The following OPHN1 variants were observed in gnomAD, a reference collection of about 807,000 sequenced individuals.
OPHN1 encodes oligophrenin-1.
OPHN1 carries 11 observed loss-of-function variants against 60.7 expected under a neutral mutation model. The ratio of observed to expected loss-of-function variants is 0.18; its 90% CI spans 0.11 to 0.30. The LOEUF (loss-of-function observed/expected upper bound fraction) is 0.30. Ranked by LOEUF, OPHN1 falls within the 10% of genes least tolerant of loss-of-function variation. The pLI is 1.00. For missense variants in OPHN1, 449 were observed against 611.0 expected, an observed-to-expected ratio of 0.73 and a Z score of 2.80; for synonymous variants, 226 against 222.6, an observed-to-expected ratio of 1.02 and a Z score of -0.14.
At chrX:68,049,989 G>A (rs772152107) in intron 23 of OPHN1, among the ~76,000 whole-genome samples, 3 of 112,217 alleles carry the variant, frequency 2.7e-5, no homozygotes, top group Admixed American at 9.4e-5. Context: ...ACGCTAGGCC[G>A]TAGTCAGGTA....
chrX:68,407,688 T>C (rs1275673159), intron 2 of OPHN1, among the ~76,000 whole-genome samples: 4 of 112,019 alleles, frequency 3.6e-5, no homozygotes, highest in African/African-American at 1.3e-4. Context: ...GCCATAAATT[T>C]GGCATAACCA....
At chrX:68,317,413 A>G (rs1258639161) in intron 2 of OPHN1, among the ~76,000 whole-genome samples, 5 of 95,496 alleles carry the variant, frequency 5.2e-5, no homozygotes, top group Admixed American at 1.2e-4. Context: ...GGAAGGAAGG[A>G]AGGAAGGAAG....
intron 15 of OPHN1, among the ~76,000 whole-genome samples, chrX:68,140,019 C>T (rs892977185): frequency 8.9e-6 from 1 of 112,403 alleles, no homozygotes; most frequent in African/African-American, 3.2e-5. Flanking sequence ...GGAAACTAAA[C>T]CCTAAGGCAA....
At chrX:68,114,636 G>T (rs917961333) in intron 16 of OPHN1, among the ~76,000 whole-genome samples, 1 of 110,037 alleles carries the variant, frequency 9.1e-6, no homozygotes, top group Admixed American at 9.8e-5. Flanking sequence ...ATGGTGGTGC[G>T]TGCCTGTAGT....
intron 15 of OPHN1, among the ~76,000 whole-genome samples, chrX:68,174,853 G>A (rs1490471880): frequency 1.8e-5 from 2 of 110,287 alleles, no homozygotes; most frequent in Admixed American, 1.9e-4. Flanking sequence ...GGAGGTCAAG[G>A]CAGGTGAATC....
intron 22 of OPHN1, among the ~76,000 whole-genome samples, chrX:68,053,279 A>C (rs2076859435): frequency 8.9e-6 from 1 of 112,742 alleles, no homozygotes; most frequent in South Asian, 3.7e-4. Flanking sequence ...ACAGTGAATG[A>C]ATCTGTTCAT....
chrX:68,194,063 G>A (rs1313636621), intron 13 of OPHN1, 111 bp from the exon 14 acceptor site: 2 of 649,071 alleles, frequency 3.1e-6, no homozygotes, highest in Non-Finnish European at 5.0e-6. Context: ...GTTTTTAGTT[G>A]CTCATTTCTA....
chrX:68,213,603 C>A (rs995229165), intron 7 of OPHN1, among the ~76,000 whole-genome samples: 5 of 100,941 alleles, frequency 5.0e-5, no homozygotes, highest in African/African-American at 1.5e-4. Flanking sequence ...AGAGAAATTC[C>A]GGAAGGGGGG....
At chrX:68,351,082 C>T (rs932491488) in intron 2 of OPHN1, among the ~76,000 whole-genome samples, 1 of 110,903 alleles carries the variant, frequency 9.0e-6, no homozygotes, top group African/African-American at 3.3e-5. Flanking sequence ...GCGAGCACCA[C>T]CACGCCCAGC....
In OPHN1 at chrX:68,334,955, G is replaced by A. The variant is rs1052782060; in HGVS notation, c.155-35859C>T. 3.7e-5 allele frequency among the ~76,000 whole-genome samples: 4 copies of A among 108,957 alleles called. No individual in the cohort carries two copies. The East Asian group carries it at 8.6e-4, about 24-fold the overall frequency. The allele number at this position is 108,957 out of a possible 115,157, so 94.6% of individuals were successfully genotyped here. On this transcript the variant is annotated intron_variant, in intron 2 of 24. Coordinates refer to ENST00000355520, the MANE Select transcript of OPHN1 (RefSeq NM_002547.3). Reference sequence around the variant, plus strand: ...TGCACCATTGCACTCCAGCTTGGGCGACAGAATAAGACCCTGTCTCAATTA... The same window carrying A: ...TGCACCATTGCACTCCAGCTTGGGCAACAGAATAAGACCCTGTCTCAATTA...
At chrX:68,191,205 G>C (rs1176039577) in intron 15 of OPHN1, among the ~76,000 whole-genome samples, 1 of 111,926 alleles carries the variant, frequency 8.9e-6, no homozygotes, top group Non-Finnish European at 1.9e-5. Context: ...GAGAAATGCA[G>C]GTAGATACCT....
intron 19 of OPHN1, among the ~76,000 whole-genome samples, chrX:68,075,231 G>A (rs934335792): frequency 2.7e-5 from 3 of 112,392 alleles, no homozygotes; most frequent in African/African-American, 3.2e-5. Context: ...GTATCCCTAC[G>A]TTGAGAAGAC....
chrX:68,307,596 C>A (rs1181444529), intron 2 of OPHN1, among the ~76,000 whole-genome samples: 2 of 111,052 alleles, frequency 1.8e-5, no homozygotes, highest in Non-Finnish European at 3.8e-5. Flanking sequence ...GCCAAAGGTA[C>A]TGATCAACCC....
chrX:68,125,930 A>AATATATAT (rs59058075), intron 15 of OPHN1, among the ~76,000 whole-genome samples: 997 of 22,207 alleles, frequency 0.045, 80 homozygotes, highest in African/African-American at 0.098. Flanking sequence ...ACCACTGATC[A>AATATATAT]ATATATATAT....
chrX:68,388,715 G>A lies in OPHN1; in HGVS notation c.154+44152C>T, dbSNP rs750557206. Reference sequence around the variant, plus strand: ...TGCTTCAAAGTAATCCAGGCCCAAGGTGGAAGGAACTAGGTGAGGGGCATA... The same window carrying A: ...TGCTTCAAAGTAATCCAGGCCCAAGATGGAAGGAACTAGGTGAGGGGCATA... On this transcript the variant is annotated intron_variant, in intron 2 of 24. Transcript: ENST00000355520. 8.9e-4 allele frequency among the ~76,000 whole-genome samples: 99 copies of A among 110,972 alleles called. 3 individuals are homozygous for A. Among genetic ancestry groups the A allele is most frequent in the African/African-American group, 3.2e-3 (97 of 30,577 alleles).
chrX:68,143,005 C>A (rs1242612774), intron 15 of OPHN1, among the ~76,000 whole-genome samples: 3 of 111,380 alleles, frequency 2.7e-5, no homozygotes, highest in African/African-American at 9.8e-5. Flanking sequence ...TCCTATAGAA[C>A]AAGCTTTTCA....
chrX:68,249,233 C>T (rs1446115239), intron 5 of OPHN1, among the ~76,000 whole-genome samples: 1 of 111,371 alleles, frequency 9.0e-6, no homozygotes, highest in Non-Finnish European at 1.9e-5. Flanking sequence ...CTATGTACCC[C>T]AAAAAATTAA....
chrX:68,334,042 C>T (rs2078310099), intron 2 of OPHN1, among the ~76,000 whole-genome samples: 1 of 109,071 alleles, frequency 9.2e-6, no homozygotes, highest in Non-Finnish European at 1.9e-5. Context: ...GGACTACAGG[C>T]ATGCGCTACC....
chrX:68,254,591 C>CT (rs2077852322), intron 5 of OPHN1, among the ~76,000 whole-genome samples: 1 of 111,483 alleles, frequency 9.0e-6, no homozygotes, highest in Non-Finnish European at 1.9e-5. Context: ...ACTCCTATGT[C>CT]TTTTTCCTAA....
Sources: allele counts gnomAD v4.1 joint callset (sites outside exome capture counted in the v4.1 genomes callset), GRCh38; gene constraint gnomAD v4.1.1; transcripts MANE v1.5; gene names NCBI Gene and HGNC (gene_info 2026-07-23, HGNC 2026-07-21).